The following SLC2A9 variants were observed in gnomAD, a reference collection of about 807,000 sequenced individuals.
SLC2A9 encodes the protein solute carrier family 2 member 9.
A neutral mutation model predicts 50.6 loss-of-function variants in SLC2A9; 39 were observed. The observed-to-expected ratio is 0.77, with a 90% confidence interval of 0.60 to 1.01. The LOEUF is 1.01. Ranked by LOEUF, SLC2A9 falls within the 50% of genes least tolerant of loss-of-function variation. The pLI, the probability that SLC2A9 is intolerant of heterozygous loss-of-function variation, is 0.00. For missense variants in SLC2A9, 686 were observed against 677.6 expected (o/e 1.01, Z -0.14); for synonymous variants, 324 against 276.9 (o/e 1.17, Z -1.69).
chr4:9,879,866 G>T (rs989973567), intron 10 of SLC2A9: 2 of 985,230 alleles, frequency 2.0e-6, no homozygotes, highest in Non-Finnish European at 2.4e-6. Context: ...ACTGCCTTGG[G>T]GTTATGCACA....
At chr4:9,916,569 G>T (rs1742884267) in intron 7 of SLC2A9, among the ~76,000 whole-genome samples, 1 of 152,184 alleles carries the variant, frequency 6.6e-6, no homozygotes, top group Admixed American at 6.5e-5. Flanking sequence ...CCACCTGTGA[G>T]ATATTTTACA....
rs78465681 is a variant in SLC2A9, at chr4:9,808,650, T to C, written n.421-9409A>G. The stretch of plus-strand genomic sequence containing the variant: ...AGACTTTGGAATTCTTCCACCAGCA[T>C]CTTGCACCCACAGATAAAGATTGCC... On this transcript the variant is annotated intron_variant and non_coding_transcript_variant, in intron 3 of 3. Transcript: ENST00000503280. Among the ~76,000 whole-genome samples the C allele has an allele frequency of 5.5e-3, 836 of 152,356 alleles. 9 individuals carry two copies. The highest frequency in any genetic ancestry group is 0.019 in the African/African-American group (800 of 41,576).
intron 6 of SLC2A9, among the ~76,000 whole-genome samples, chr4:9,923,220 G>A (rs1372285602): frequency 6.6e-6 from 1 of 152,196 alleles, no homozygotes; most frequent in African/African-American, 2.4e-5. Flanking sequence ...TCCTATTCCT[G>A]GCACTAGGGA....
chr4:9,853,423 T>C (rs953907237), intron 10 of SLC2A9, among the ~76,000 whole-genome samples: 2 of 152,216 alleles, frequency 1.3e-5, no homozygotes, highest in African/African-American at 4.8e-5. Flanking sequence ...TACATAATGA[T>C]AAATGACTCA....
intron 3 of SLC2A9, chr4:9,782,269 C>A (rs1014821510): frequency 6.2e-7 from 1 of 1,613,956 alleles, no homozygotes; most frequent in Admixed American, 1.7e-5. Flanking sequence ...ACGTCTTCAT[C>A]GTGTCTCTGG....
At position 10,009,461 on chromosome 4, in the gene SLC2A9, TG is replaced by T. The variant is rs1210266387; in HGVS notation, c.249+9513del. 6.6e-5 allele frequency: 10 copies of T among 152,254 alleles called. 1 individual carries two copies. Among genetic ancestry groups the T allele is most frequent in the African/African-American group, 2.4e-4 (10 of 41,464 alleles). 9.4% of individuals were successfully genotyped at this position (152,254 alleles called of 1,614,324 possible). A position where few individuals can be genotyped will look rare whatever the true frequency, so the allele number is the denominator to read the frequency against. ...GTTGATTTTGCTTTTTATTATCATT[TG>T]TTTATCTGCCTTTAGGGAAGGAGCA... On this transcript the variant is annotated intron_variant, in intron 2 of 11. Coordinates refer to ENST00000264784, the MANE Select transcript of SLC2A9 (RefSeq NM_020041.3).
At chr4:10,026,150 C>A, upstream of SLC2A9, 1 of 622,406 alleles carries the variant, frequency 1.6e-6, no homozygotes, top group Non-Finnish European at 2.9e-6. Context: ...GCAGCATCCT[C>A]GCTTGGGCAT....
intron 8 of SLC2A9, among the ~76,000 whole-genome samples, chr4:9,907,969 G>C (rs2109976299): frequency 6.6e-6 from 1 of 152,298 alleles, no homozygotes; most frequent in South Asian, 2.1e-4. Flanking sequence ...CTGCCCCGGA[G>C]GTGTCAGGAA....
downstream of SLC2A9, among the ~76,000 whole-genome samples, chr4:9,825,500 C>A: frequency 6.7e-6 from 1 of 149,600 alleles, no homozygotes; most frequent in East Asian, 2.0e-4. Flanking sequence ...CTGAGCCCCA[C>A]ACTTGTGGCA....
intron 10 of SLC2A9, among the ~76,000 whole-genome samples, chr4:9,864,874 G>A (rs9684002): frequency 0.12 from 18,645 of 152,302 alleles, 1,345 homozygotes; most frequent in African/African-American, 0.17. Context: ...TTCAGATAGG[G>A]AGATTATCCT....
intron 4 of SLC2A9, among the ~76,000 whole-genome samples, chr4:9,983,884 G>A (rs1179901410): frequency 1.3e-5 from 2 of 152,126 alleles, no homozygotes; most frequent in African/African-American, 4.8e-5. Flanking sequence ...GAGCATTCAG[G>A]CAGTCTGACT....
At chr4:9,831,164 A>G (rs894331376) in intron 11 of SLC2A9, among the ~76,000 whole-genome samples, 24 of 152,004 alleles carry the variant, frequency 1.6e-4, no homozygotes, top group African/African-American at 5.8e-4. Flanking sequence ...AAGTGAAACA[A>G]TCAAGTTGTG....
intron 10 of SLC2A9, among the ~76,000 whole-genome samples, chr4:9,863,592 G>T (rs952797856): frequency 6.6e-6 from 1 of 152,054 alleles, no homozygotes; most frequent in African/African-American, 2.4e-5. Context: ...CCCTCTTAAG[G>T]CATAATTCTG....
intron 1 of SLC2A9, among the ~76,000 whole-genome samples, chr4:10,037,382 G>A (rs1040812347): frequency 2.6e-5 from 4 of 152,078 alleles, no homozygotes; most frequent in African/African-American, 9.7e-5. Context: ...TCATGTTTTT[G>A]ATGTTCATCC....
In SLC2A9 at chr4:9,963,952, T is replaced by C. The variant is rs1005313412; in HGVS notation, c.681+16640A>G. On this transcript the variant is annotated intron_variant, in intron 5 of 11. Transcript: ENST00000264784. ...CACGCTTGTTAATTCCAATGTGCTG[T>C]CTATTGGGCTTAGCTGCTCTGTGAG... 1.1e-4 allele frequency among the ~76,000 whole-genome samples: 16 copies of C among 152,256 alleles called. No homozygotes were observed. The Middle Eastern group carries it at 0.014, about 129-fold the overall frequency.
At chr4:9,846,213 GAAAATGCAC>G (rs1728968686) in intron 10 of SLC2A9, among the ~76,000 whole-genome samples, 1 of 152,212 alleles carries the variant, frequency 6.6e-6, no homozygotes, top group Non-Finnish European at 1.5e-5. Flanking sequence ...TTGAGAATTT[GAAAATGCAC>G]AGGCTCCCAA....
At chr4:9,845,092 C>A (rs1303408210) in intron 10 of SLC2A9, among the ~76,000 whole-genome samples, 1 of 151,974 alleles carries the variant, frequency 6.6e-6, no homozygotes, top group Non-Finnish European at 1.5e-5. Flanking sequence ...CGGCTCACTG[C>A]AAGCTCCACC....
At chr4:9,940,123 G>A (rs1337814071) in intron 6 of SLC2A9, among the ~76,000 whole-genome samples, 4 of 152,134 alleles carry the variant, frequency 2.6e-5, no homozygotes, top group South Asian at 2.1e-4. Context: ...GAGGGGGTGC[G>A]GGTTACCCTC....
chr4:9,784,138 A>T (rs1189590714), intron 3 of SLC2A9: 1 of 155,134 alleles, frequency 6.4e-6, no homozygotes, highest in Admixed American at 6.5e-5. Context: ...ATCTCTTTAC[A>T]GTTTGGCCTT....
Sources: gnomAD v4.1 joint callset for allele counts (sites outside exome capture counted in the v4.1 genomes callset) on GRCh38, gnomAD v4.1.1 for gene constraint, MANE v1.5 for transcripts, NCBI Gene and HGNC (gene_info 2026-07-23, HGNC 2026-07-21) for gene names.